Variants in SLC24A2 observed in about 807,000 individuals in gnomAD.
The protein encoded by SLC24A2 is sodium/potassium/calcium exchanger 2.
In SLC24A2, 36 loss-of-function variants were observed where a neutral mutation model predicts 62.0. That is an observed-to-expected ratio of 0.58 (90% CI 0.44 to 0.77). SLC24A2 has a LOEUF of 0.77. SLC24A2 is among the 30% of genes least tolerant of loss of function. The pLI, the probability that SLC24A2 is intolerant of heterozygous loss-of-function variation, is 0.00. For synonymous variants in SLC24A2, 358 were observed against 294.0 expected, an observed-to-expected ratio of 1.22 and a Z score of -2.23; for missense variants, 846 against 817.9, an observed-to-expected ratio of 1.03 and a Z score of -0.42.
At chr9:19,938,826 T>C in the SLC24A2 span, among the ~76,000 whole-genome samples, 1 of 152,226 alleles carries the variant, frequency 6.6e-6, no homozygotes, top group Non-Finnish European at 1.5e-5. Context: ...CATTTTAACA[T>C]TTTGCTCCGC....
At chr9:19,947,803 AAAAAAAAAG>A in the SLC24A2 span, among the ~76,000 whole-genome samples, 17 of 122,408 alleles carry the variant, frequency 1.4e-4, no homozygotes, top group Non-Finnish European at 2.3e-4. Flanking sequence ...AAAAAAAAAA[AAAAAAAAAG>A]AAAGAAAGAA....
At chr9:19,776,949 T>A (rs1451369826) in intron 2 of SLC24A2, among the ~76,000 whole-genome samples, 2 of 152,160 alleles carry the variant, frequency 1.3e-5, no homozygotes, top group African/African-American at 4.8e-5. Context: ...CCCCCTTAGG[T>A]TAAATGGCCA....
At chr9:20,179,857 C>G in the SLC24A2 span, among the ~76,000 whole-genome samples, 17 of 152,146 alleles carry the variant, frequency 1.1e-4, no homozygotes, top group Non-Finnish European at 1.6e-4. Context: ...CTAAATATTG[C>G]TAAAAATTAT....
At chr9:19,608,588 G>A (rs1378777144) in intron 4 of SLC24A2, among the ~76,000 whole-genome samples, 1 of 152,116 alleles carries the variant, frequency 6.6e-6, no homozygotes, top group African/African-American at 2.4e-5. Context: ...CCACCCCTTG[G>A]AACCGCAGTT....
chr9:19,679,255 T>A (rs1021959780), intron 2 of SLC24A2, among the ~76,000 whole-genome samples: 2 of 152,150 alleles, frequency 1.3e-5, no homozygotes, highest in Admixed American at 6.6e-5. Context: ...ATTGGTTATC[T>A]CTAAGGATGC....
intron 4 of SLC24A2, among the ~76,000 whole-genome samples, chr9:19,606,376 T>C (rs1187534623): frequency 6.6e-6 from 1 of 152,220 alleles, no homozygotes; most frequent in Non-Finnish European, 1.5e-5. Context: ...CTACATTCAC[T>C]ATTGGTGTTT....
chr9:19,837,425 G>A, the SLC24A2 span, among the ~76,000 whole-genome samples: 1 of 120,404 alleles, frequency 8.3e-6, no homozygotes. Flanking sequence ...GCAGTCCGCA[G>A]TCCGGCCTGG....
the SLC24A2 span, among the ~76,000 whole-genome samples, chr9:20,194,736 C>T: frequency 5.3e-5 from 8 of 151,986 alleles, no homozygotes; most frequent in African/African-American, 1.9e-4. Flanking sequence ...TCTCATTTCT[C>T]TACTTTTTCT....
intron 9 of SLC24A2, among the ~76,000 whole-genome samples, chr9:19,525,378 T>C (rs1833385058): frequency 6.8e-6 from 1 of 147,944 alleles, no homozygotes; most frequent in African/African-American, 2.5e-5. Flanking sequence ...GGTTTTTTTT[T>C]CCTATTTCTT....
intron 5 of SLC24A2, among the ~76,000 whole-genome samples, chr9:19,580,532 C>T (rs1836171867): frequency 6.6e-6 from 1 of 152,180 alleles, no homozygotes; most frequent in Admixed American, 6.5e-5. Flanking sequence ...AGCAGAGAAC[C>T]TGTGATTTTT....
chr9:20,050,240 C>CAA, the SLC24A2 span, among the ~76,000 whole-genome samples: 221 of 59,358 alleles, frequency 3.7e-3, 1 homozygote, highest in East Asian at 0.021. Flanking sequence ...CCCGTCTCTA[C>CAA]AAAAAAAAAA....
chr9:20,257,835 A>G, the SLC24A2 span, among the ~76,000 whole-genome samples: 1 of 152,194 alleles, frequency 6.6e-6, no homozygotes, highest in Non-Finnish European at 1.5e-5. Flanking sequence ...GGTTTTTCTA[A>G]AACGAGTGGG....
At chr9:20,193,812 C>T in the SLC24A2 span, among the ~76,000 whole-genome samples, 1 of 151,974 alleles carries the variant, frequency 6.6e-6, no homozygotes, top group Admixed American at 6.6e-5. Flanking sequence ...CTACAGAAGT[C>T]CCAAGAGGGT....
the SLC24A2 span, among the ~76,000 whole-genome samples, chr9:20,145,843 TTTC>T: frequency 6.6e-6 from 1 of 152,018 alleles, no homozygotes; most frequent in Admixed American, 6.6e-5. Flanking sequence ...CATACATGTA[TTTC>T]TTTTTCACAA....
intron 9 of SLC24A2, among the ~76,000 whole-genome samples, chr9:19,524,137 C>CAAAAA (rs57173482): frequency 7.1e-5 from 6 of 84,692 alleles, no homozygotes; most frequent in South Asian, 5.7e-4. Flanking sequence ...ACTTCATTTT[C>CAAAAA]AAAAAAAAAA....
intron 8 of SLC24A2, among the ~76,000 whole-genome samples, chr9:19,545,536 C>A (rs781017847): frequency 6.6e-6 from 1 of 151,998 alleles, no homozygotes; most frequent in Non-Finnish European, 1.5e-5. Context: ...CCTTTTTGCG[C>A]GGGTTTCTCC....
At chr9:19,574,604 A>G (rs930712663) in intron 6 of SLC24A2, among the ~76,000 whole-genome samples, 2 of 78,478 alleles carry the variant, frequency 2.5e-5, no homozygotes, top group African/African-American at 9.6e-5. Context: ...AGATTAAATA[A>G]GAAAATGCAT....
chr9:20,105,542 T>A, the SLC24A2 span, among the ~76,000 whole-genome samples: 5 of 151,898 alleles, frequency 3.3e-5, no homozygotes, highest in South Asian at 6.3e-4. Flanking sequence ...GGATTAAGAA[T>A]CTCACTCAAA....
At chr9:19,627,902 T>A (rs1818075848) in intron 2 of SLC24A2, among the ~76,000 whole-genome samples, 1 of 152,174 alleles carries the variant, frequency 6.6e-6, no homozygotes, top group African/African-American at 2.4e-5. Flanking sequence ...TTCCCTCTTT[T>A]AAAAAAGATA....
Sources: allele counts gnomAD v4.1 joint callset (sites outside exome capture counted in the v4.1 genomes callset), GRCh38; gene constraint gnomAD v4.1.1; transcripts MANE v1.5; gene names NCBI Gene and HGNC (gene_info 2026-07-23, HGNC 2026-07-21).